The following PALLD variants were observed in gnomAD, a reference collection of about 807,000 sequenced individuals.
PALLD encodes the protein palladin.
Under a neutral mutation model 123.5 loss-of-function variants are expected in PALLD, and 61 were observed. The ratio of observed to expected loss-of-function variants is 0.49; its 90% CI spans 0.40 to 0.61. The LOEUF (loss-of-function observed/expected upper bound fraction) is 0.61. PALLD is among the 20% of genes least tolerant of loss of function. The pLI, the probability that PALLD is intolerant of heterozygous loss-of-function variation, is 0.00. For synonymous variants in PALLD, 465 were observed against 496.4 expected (o/e 0.94, Z 0.84); for missense variants, 1,273 against 1,377.0 (o/e 0.92, Z 1.20).
At chr4:168,570,270 C>T (rs187065622) in intron 2 of PALLD, among the ~76,000 whole-genome samples, 1 of 152,250 alleles carries the variant, frequency 6.6e-6, no homozygotes, top group Admixed American at 6.5e-5. Flanking sequence ...TTTGTAAATG[C>T]TGAAATGTTT....
intron 10 of PALLD, among the ~76,000 whole-genome samples, chr4:168,723,011 A>G (rs1255701175): frequency 3.3e-5 from 5 of 152,208 alleles, no homozygotes; most frequent in Admixed American, 3.3e-4. Context: ...GAGGATTCTG[A>G]AAGTTTAAAA....
intron 2 of PALLD, chr4:168,647,963 A>G (rs923054268): frequency 2.6e-5 from 4 of 151,992 alleles, no homozygotes; most frequent in African/African-American, 7.3e-5. Context: ...TATTTATCCA[A>G]TTTGCAAACG....
rs201190504 is a variant in PALLD, at chr4:168,555,293, A to C, written c.908+42881A>C. 9.8e-5 allele frequency among the ~76,000 whole-genome samples: 15 copies of C among 152,336 alleles called. No homozygotes were observed. The East Asian group carries it at 1.5e-3, about 16-fold the overall frequency. ...AACGGAGCATAGAGAATAGAACCAC[A>C]GAAACCAAAGAAGACTAAAACTGGT... On this transcript the variant is annotated intron_variant, in intron 2 of 21. Coordinates refer to ENST00000505667, the MANE Select transcript of PALLD (RefSeq NM_001166108.2).
intron 10 of PALLD, among the ~76,000 whole-genome samples, chr4:168,811,774 T>TCACACACACACACACA (rs879411684): frequency 1.6e-4 from 17 of 109,382 alleles, no homozygotes; most frequent in Non-Finnish European, 1.7e-4. Context: ...TCTCTCTCTC[T>TCACACACACACACACA]CTCACACACA....
chr4:168,681,470 T>TG, intron 4 of PALLD, 72 bp downstream of exon 4: 1 of 981,884 alleles, frequency 1.0e-6, no homozygotes, highest in Admixed American at 1.7e-5. Flanking sequence ...TATGAAACCA[T>TG]GTTTGCTGTG....
At chr4:168,838,212 G>A (rs1345324181) in intron 10 of PALLD, among the ~76,000 whole-genome samples, 1 of 152,172 alleles carries the variant, frequency 6.6e-6, no homozygotes, top group Non-Finnish European at 1.5e-5. Flanking sequence ...TCTATCCCAA[G>A]GTCAGGAAAG....
At chr4:168,637,469 C>T (rs1776459948) in intron 2 of PALLD, among the ~76,000 whole-genome samples, 4 of 150,506 alleles carry the variant, frequency 2.7e-5, no homozygotes, top group Admixed American at 2.6e-4. Flanking sequence ...CTTCCTATGT[C>T]ACTCCCATGA....
intron 10 of PALLD, among the ~76,000 whole-genome samples, chr4:168,836,256 G>T (rs1745171015): frequency 6.6e-6 from 1 of 152,198 alleles, no homozygotes; most frequent in African/African-American, 2.4e-5. Flanking sequence ...TGCCACTATG[G>T]TAAGTGAAGA....
At chr4:168,599,221 A>G (rs368986322) in intron 2 of PALLD, among the ~76,000 whole-genome samples, 4 of 152,350 alleles carry the variant, frequency 2.6e-5, no homozygotes, top group African/African-American at 9.6e-5. Context: ...TTACAAAAAC[A>G]TTAGAAATGT....
intron 10 of PALLD, 78 bp from the exon 11 acceptor site, chr4:168,890,844 C>T: frequency 6.9e-7 from 1 of 1,459,000 alleles, no homozygotes; most frequent in Non-Finnish European, 9.6e-7. Context: ...CTTGCACTGT[C>T]TTTGTTGGAC....
intron 10 of PALLD, among the ~76,000 whole-genome samples, chr4:168,766,621 A>G (rs1733698800): frequency 6.6e-6 from 1 of 152,218 alleles, no homozygotes; most frequent in African/African-American, 2.4e-5. Flanking sequence ...TGGCTGCAAG[A>G]CAGCATAATG....
chr4:168,702,420 G>A lies in PALLD; in HGVS notation c.1502-6608G>A, dbSNP rs140553413. Reference sequence around the variant, plus strand: ...ACAAAAAAAGTTAGCTGGGCATGGTGGTGTGCACCTGTAATTCCAGCTACT... The same window carrying A: ...ACAAAAAAAGTTAGCTGGGCATGGTAGTGTGCACCTGTAATTCCAGCTACT... On this transcript the variant is annotated intron_variant, in intron 8 of 21. Transcript: ENST00000505667. Among the ~76,000 whole-genome samples, 894 of 152,200 alleles carry A rather than the reference G, an allele frequency of 5.9e-3. 11 individuals carry two copies. Among genetic ancestry groups the A allele is most frequent in the African/African-American group, 0.02 (822 of 41,518 alleles).
intron 10 of PALLD, among the ~76,000 whole-genome samples, chr4:168,759,202 A>AAAAAAAAAAAAAG (rs1554077926): frequency 4.5e-5 from 1 of 22,304 alleles, no homozygotes; most frequent in Non-Finnish European, 8.7e-5. Context: ...AAAAAAAAAA[A>AAAAAAAAAAAAAG]ATATATATAT....
intron 2 of PALLD, among the ~76,000 whole-genome samples, chr4:168,650,618 T>C (rs960631461): frequency 6.6e-6 from 1 of 152,326 alleles, no homozygotes; most frequent in Non-Finnish European, 1.5e-5. Context: ...GTCAATTGTA[T>C]ATGTATCCTA....
At position 168,826,333 on chromosome 4, in the gene PALLD, C is replaced by T. The variant is rs143859302; in HGVS notation, c.1965-64589C>T. Among the ~76,000 whole-genome samples the T allele has an allele frequency of 2.6e-3, 391 of 152,270 alleles. 2 individuals are homozygous for T. Among genetic ancestry groups the T allele is most frequent in the African/African-American group, 8.5e-3 (355 of 41,568 alleles). ...ATTGGTAAAATGGAGATCTTAGGGA[C>T]GGTGAATGGATGGTGAATGCACTTT... On this transcript the variant is annotated intron_variant, in intron 10 of 21. Coordinates refer to ENST00000505667, the MANE Select transcript of PALLD (RefSeq NM_001166108.2).
chr4:168,572,548 C>A (rs1173650549), intron 2 of PALLD, among the ~76,000 whole-genome samples: 1 of 152,002 alleles, frequency 6.6e-6, no homozygotes, highest in Non-Finnish European at 1.5e-5. Context: ...GTTTAATAGG[C>A]CTCTCAAACT....
At chr4:168,759,204 T>A (rs979393080) in intron 10 of PALLD, among the ~76,000 whole-genome samples, 4,364 of 15,012 alleles carry the variant, frequency 0.29, 1,322 homozygotes, top group Non-Finnish European at 0.32. Flanking sequence ...AAAAAAAAAA[T>A]ATATATATAT....
intron 2 of PALLD, among the ~76,000 whole-genome samples, chr4:168,562,614 A>C (rs925671741): frequency 2.0e-5 from 3 of 152,348 alleles, no homozygotes; most frequent in East Asian, 3.9e-4. Context: ...CTGAGAAAGA[A>C]ATAGTTCAGC....
chr4:168,819,897 C>T (rs1302697573), intron 10 of PALLD, among the ~76,000 whole-genome samples: 1 of 152,198 alleles, frequency 6.6e-6, no homozygotes, highest in Non-Finnish European at 1.5e-5. Context: ...ACACAGGACT[C>T]GAAGTGAATC....
Sources: allele counts gnomAD v4.1 joint callset (sites outside exome capture counted in the v4.1 genomes callset), GRCh38; gene constraint gnomAD v4.1.1; transcripts MANE v1.5; gene names NCBI Gene and HGNC (gene_info 2026-07-23, HGNC 2026-07-21).